PRIM2: variants seen among roughly 807,000 people sequenced by gnomAD.
PRIM2 encodes DNA primase large subunit.
In PRIM2, 39 loss-of-function variants were observed where a neutral mutation model predicts 67.3. That is an observed-to-expected ratio of 0.58 (90% CI 0.45 to 0.76). PRIM2 has a LOEUF of 0.76. Ranked by LOEUF, PRIM2 falls within the 30% of genes least tolerant of loss-of-function variation. PRIM2 has a pLI of 0.00. For synonymous variants in PRIM2, 143 were observed against 198.7 expected (o/e 0.72, Z 2.36); for missense variants, 398 against 598.7 (o/e 0.66, Z 3.50).
chr6:57,592,036 G>C (rs1422887557), intron 10 of PRIM2, among the ~76,000 whole-genome samples: 1 of 152,122 alleles, frequency 6.6e-6, no homozygotes, highest in Non-Finnish European at 1.5e-5. Context: ...GATGCAGCTG[G>C]AGGTCATTAA....
intron 7 of PRIM2, among the ~76,000 whole-genome samples, chr6:57,446,160 TTGTTTCTGAAAAGAC>T: frequency 6.6e-6 from 1 of 152,146 alleles, no homozygotes; most frequent in Non-Finnish European, 1.5e-5. Context: ...CCAGATAGCA[TTGTTTCTGAAAAGAC>T]GTCTTGTAAA....
intron 7 of PRIM2, among the ~76,000 whole-genome samples, chr6:57,452,662 T>A (rs1335767230): frequency 2.0e-5 from 3 of 152,234 alleles, no homozygotes; most frequent in African/African-American, 2.4e-5. Flanking sequence ...TTGTTTGAGT[T>A]CATCGTAGAT....
chr6:57,251,110 C>T, the PRIM2 span, among the ~76,000 whole-genome samples: 2,593 of 152,272 alleles, frequency 0.017, 73 homozygotes, highest in African/African-American at 0.058. Context: ...TTCCTACCCC[C>T]AAACTCAGGC....
intron 6 of PRIM2, among the ~76,000 whole-genome samples, chr6:57,380,425 T>C (rs1220226151): frequency 6.6e-6 from 1 of 152,186 alleles, no homozygotes; most frequent in South Asian, 2.1e-4. Flanking sequence ...GTGATTCCAC[T>C]GGGCTCTGAC....
At chr6:57,390,650 A>G (rs1462268393) in intron 7 of PRIM2, among the ~76,000 whole-genome samples, 1 of 152,090 alleles carries the variant, frequency 6.6e-6, no homozygotes, top group East Asian at 1.9e-4. Context: ...TAGGTTTTCT[A>G]TTCTTGGGTT....
In PRIM2 at chr6:57,550,407, G is replaced by A. The variant is rs1417077730; in HGVS notation, c.1020+12782G>A. On this transcript the variant is annotated intron_variant, in intron 10 of 13. Coordinates refer to ENST00000615550, the MANE Select transcript of PRIM2 (RefSeq NM_000947.5). ...CAGGTTGGGCTTGCTTTCATGAATT[G>A]TCAAGAGGCTAGCTAGTCAAAATTC... Among the ~76,000 whole-genome samples the A allele has an allele frequency of 4.2e-4, 64 of 152,144 alleles. 1 individual carries two copies. Among genetic ancestry groups the A allele is most frequent in the African/African-American group, 1.5e-3 (63 of 41,466 alleles).
intron 10 of PRIM2, among the ~76,000 whole-genome samples, chr6:57,577,689 A>G (rs1181445964): frequency 6.6e-6 from 1 of 152,160 alleles, no homozygotes; most frequent in Non-Finnish European, 1.5e-5. Flanking sequence ...TCAGCCTCCC[A>G]AAGTGCTGGA....
intron 13 of PRIM2, among the ~76,000 whole-genome samples, chr6:57,633,339 G>A (rs1777065550): frequency 6.6e-6 from 1 of 152,096 alleles, no homozygotes; most frequent in Non-Finnish European, 1.5e-5. Flanking sequence ...TTTTTCCAGA[G>A]TCCATGTTAT....
intron 7 of PRIM2, among the ~76,000 whole-genome samples, chr6:57,421,596 C>A (rs1771468011): frequency 6.6e-6 from 1 of 152,154 alleles, no homozygotes. Flanking sequence ...GTAAGTATTA[C>A]AATGATCATT....
At chr6:57,378,249 A>G (rs1232109027) in intron 5 of PRIM2, among the ~76,000 whole-genome samples, 2 of 149,966 alleles carry the variant, frequency 1.3e-5, no homozygotes, top group African/African-American at 4.9e-5. Context: ...TTTTTTTTGT[A>G]GAGATGGGGT....
At chr6:57,378,527 G>T (rs1262382698) in intron 5 of PRIM2, among the ~76,000 whole-genome samples, 5 of 152,070 alleles carry the variant, frequency 3.3e-5, no homozygotes, top group African/African-American at 1.2e-4. Flanking sequence ...TCTATACCTT[G>T]TTATAAAATA....
chr6:57,586,447 G>A (rs1443153465), intron 10 of PRIM2, among the ~76,000 whole-genome samples: 2 of 152,142 alleles, frequency 1.3e-5, no homozygotes, highest in East Asian at 1.9e-4. Context: ...GAGGCATTAT[G>A]TTACATTTAA....
chr6:57,465,887 A>C (rs201623014), intron 7 of PRIM2, among the ~76,000 whole-genome samples: 1 of 152,000 alleles, frequency 6.6e-6, no homozygotes, highest in Non-Finnish European at 1.5e-5. Flanking sequence ...TTTGTTACAT[A>C]GGTATACACA....
chr6:57,432,052 A>C (rs548846824), intron 7 of PRIM2, among the ~76,000 whole-genome samples: 1 of 152,214 alleles, frequency 6.6e-6, no homozygotes, highest in Non-Finnish European at 1.5e-5. Flanking sequence ...AATGTATTCT[A>C]AGCCAAGTAA....
chr6:57,356,941 T>C (rs1034666069), intron 5 of PRIM2, among the ~76,000 whole-genome samples: 2 of 150,036 alleles, frequency 1.3e-5, no homozygotes, highest in African/African-American at 4.9e-5. Context: ...CTTTTTTTTT[T>C]TTTTTTTTTT....
intron 7 of PRIM2, among the ~76,000 whole-genome samples, chr6:57,498,255 CTTTAA>C (rs1774049993): frequency 6.6e-6 from 1 of 151,882 alleles, no homozygotes; most frequent in Non-Finnish European, 1.5e-5. Context: ...ACCTATTCAT[CTTTAA>C]TTTACTAGAC....
chr6:57,529,784 G>A (rs1774847598), intron 8 of PRIM2, among the ~76,000 whole-genome samples: 3 of 152,070 alleles, frequency 2.0e-5, no homozygotes, highest in South Asian at 2.1e-4. Flanking sequence ...TTAACATTTT[G>A]TATCAGTTTT....
chr6:57,556,815 G>T (rs1441869955), intron 10 of PRIM2, among the ~76,000 whole-genome samples: 2 of 152,052 alleles, frequency 1.3e-5, no homozygotes, highest in South Asian at 2.1e-4. Context: ...CACAGCAAAA[G>T]AAACTATCAA....
intron 7 of PRIM2, among the ~76,000 whole-genome samples, chr6:57,460,645 A>G (rs1319167831): frequency 7.9e-5 from 12 of 151,218 alleles, no homozygotes; most frequent in Admixed American, 1.3e-4. Context: ...TTTTCAATTG[A>G]ACTTTCAGGT....
Sources: gnomAD v4.1 joint callset for allele counts (sites outside exome capture counted in the v4.1 genomes callset) on GRCh38, gnomAD v4.1.1 for gene constraint, MANE v1.5 for transcripts, NCBI Gene and HGNC (gene_info 2026-07-23, HGNC 2026-07-21) for gene names.